C1orf87: variants seen among roughly 807,000 people sequenced by gnomAD.
C1orf87 encodes uncharacterized protein C1orf87.
Under a neutral mutation model 60.5 loss-of-function variants are expected in C1orf87, and 58 were observed. That is an observed-to-expected ratio of 0.96 (90% CI 0.78 to 1.19). The LOEUF (loss-of-function observed/expected upper bound fraction) is 1.19, where lower values mean the gene tolerates loss of function less well. C1orf87 is among the 50% of genes most tolerant of loss of function. The pLI, the probability that C1orf87 is intolerant of heterozygous loss-of-function variation, is 0.00. For missense variants in C1orf87, 673 were observed against 638.6 expected (o/e 1.05, Z -0.58); for synonymous variants, 236 against 227.4 (o/e 1.04, Z -0.34).
At position 60,064,631 on chromosome 1, in the gene C1orf87, A is replaced by T. The variant is rs1470338195; in HGVS notation, c.107+7906T>A. Among the ~76,000 whole-genome samples the T allele has an allele frequency of 2.0e-4, 21 of 106,530 alleles. No homozygotes were observed. The East Asian group carries it at 3.7e-3, about 19-fold the overall frequency. 69.9% of individuals were successfully genotyped at this position (106,530 alleles called of 152,430 possible). On this transcript the variant is annotated intron_variant, in intron 2 of 11. Coordinates refer to ENST00000371201, the MANE Select transcript of C1orf87 (RefSeq NM_152377.3). ...ATATATAAAATATATCATATATATA[A>T]ATATATATGATATATTTTATATATT...
intron 2 of C1orf87, among the ~76,000 whole-genome samples, chr1:60,061,776 CA>C (rs57844722): frequency 0.012 from 645 of 53,152 alleles, 3 homozygotes; most frequent in East Asian, 0.04. Flanking sequence ...CCATCTCTAC[CA>C]AAAAAAAAAA....
intron 8 of C1orf87, among the ~76,000 whole-genome samples, chr1:60,020,989 G>T (rs992286586): frequency 1.3e-5 from 2 of 151,996 alleles, no homozygotes; most frequent in Non-Finnish European, 2.9e-5. Context: ...TTCTTGTGAT[G>T]GTGAGTGAAT....
At chr1:60,061,566 G>A (rs987609097) in intron 2 of C1orf87, among the ~76,000 whole-genome samples, 8 of 151,908 alleles carry the variant, frequency 5.3e-5, no homozygotes, top group Middle Eastern at 6.8e-3. Flanking sequence ...CTGCTCTGCT[G>A]GAGATGTTTC....
intron 8 of C1orf87, 62 bp downstream of exon 8, chr1:60,025,339 C>G (rs774389690): frequency 7.0e-6 from 9 of 1,290,652 alleles, no homozygotes; most frequent in Non-Finnish European, 7.8e-6. Context: ...AAAGCTTCAC[C>G]ATATCATTTG....
At chr1:60,069,579 T>C (rs1013578255) in intron 2 of C1orf87, among the ~76,000 whole-genome samples, 1 of 152,200 alleles carries the variant, frequency 6.6e-6, no homozygotes, top group African/African-American at 2.4e-5. Flanking sequence ...ATACTAAATA[T>C]AAGTATTTTT....
chr1:60,070,802 G>A (rs1384600487), intron 2 of C1orf87, among the ~76,000 whole-genome samples: 1 of 151,936 alleles, frequency 6.6e-6, no homozygotes, highest in Non-Finnish European at 1.5e-5. Context: ...AACAAAATGG[G>A]GAAAGGCACC....
Position 59,990,620 on chromosome 1 carries a change from T to C in C1orf87, c.*53A>G. The C allele has an allele frequency of 6.3e-7, 1 of 1,590,652 alleles. No individual in the cohort carries two copies. On this transcript the variant is annotated 3_prime_UTR_variant, in exon 12 of 12. Transcript: ENST00000371201. ...CTTAGGCTGGGGAGAAACATGTGTCTGGGTAAAAAGGGAGATAAGGGAAAC... is the reference window on the plus strand; with the variant it reads ...CTTAGGCTGGGGAGAAACATGTGTCCGGGTAAAAAGGGAGATAAGGGAAAC...
intron 7 of C1orf87, among the ~76,000 whole-genome samples, chr1:60,032,645 T>C (rs1311455277): frequency 6.6e-6 from 1 of 151,966 alleles, no homozygotes; most frequent in East Asian, 1.9e-4. Context: ...TTCACTATAT[T>C]GGCCAGGCTG....
intron 2 of C1orf87, among the ~76,000 whole-genome samples, chr1:60,057,449 G>A (rs778866684): frequency 7.9e-5 from 12 of 152,146 alleles, no homozygotes; most frequent in Non-Finnish European, 1.6e-4. Flanking sequence ...TTTCAGATAA[G>A]ACTTTGTTAT....
intron 8 of C1orf87, among the ~76,000 whole-genome samples, chr1:60,014,208 G>A (rs1645109781): frequency 1.3e-5 from 2 of 152,124 alleles, no homozygotes; most frequent in African/African-American, 4.8e-5. Context: ...TGCTCGGGCT[G>A]CACAATAAAA....
At chr1:60,047,664 G>A (rs1323549132) in intron 3 of C1orf87, among the ~76,000 whole-genome samples, 1 of 151,668 alleles carries the variant, frequency 6.6e-6, no homozygotes, top group Non-Finnish European at 1.5e-5. Flanking sequence ...TAGGACCATA[G>A]GGGTTTTATG....
intron 2 of C1orf87, among the ~76,000 whole-genome samples, chr1:60,057,881 A>T (rs1645468333): frequency 1.3e-5 from 2 of 152,140 alleles, no homozygotes; most frequent in African/African-American, 4.8e-5. Flanking sequence ...AAGGTTAAAG[A>T]CCATTGATTT....
chr1:59,990,877 G>T, intron 11 of C1orf87, 44 bp from the exon 12 acceptor site: 1 of 1,583,936 alleles, frequency 6.3e-7, no homozygotes, highest in Non-Finnish European at 8.6e-7. Flanking sequence ...AAAGAGGATG[G>T]AGGGAAAACA....
intron 7 of C1orf87, among the ~76,000 whole-genome samples, chr1:60,030,029 T>C (rs534839507): frequency 2.0e-5 from 3 of 152,222 alleles, no homozygotes; most frequent in South Asian, 4.2e-4. Context: ...GGTGGGCACA[T>C]TGGTGTTCCT....
At chr1:59,996,348 A>C (rs546002519) in intron 11 of C1orf87, among the ~76,000 whole-genome samples, 2 of 152,038 alleles carry the variant, frequency 1.3e-5, no homozygotes, top group African/African-American at 4.8e-5. Flanking sequence ...GTGGTTCTAG[A>C]CTTCATTCTC....
At chr1:60,060,160 C>CA (rs1021228334) in intron 2 of C1orf87, among the ~76,000 whole-genome samples, 1 of 149,014 alleles carries the variant, frequency 6.7e-6, no homozygotes, top group Non-Finnish European at 1.5e-5. Flanking sequence ...TCGAAAAGAT[C>CA]AAAAAAATAT....
chr1:59,994,883 T>C (rs1644952413), intron 11 of C1orf87, among the ~76,000 whole-genome samples: 1 of 152,188 alleles, frequency 6.6e-6, no homozygotes, highest in Non-Finnish European at 1.5e-5. Context: ...AGAATGGGGC[T>C]ATGGTGGTCT....
At chr1:60,058,610 A>G (rs1341897262) in intron 2 of C1orf87, among the ~76,000 whole-genome samples, 3 of 152,200 alleles carry the variant, frequency 2.0e-5, no homozygotes, top group African/African-American at 7.2e-5. Flanking sequence ...TCTTAAATCA[A>G]CCGTATAGTC....
At chr1:60,056,017 G>A (rs572104023) in intron 2 of C1orf87, among the ~76,000 whole-genome samples, 30 of 152,118 alleles carry the variant, frequency 2.0e-4, no homozygotes, top group African/African-American at 6.5e-4. Context: ...AGGCTGAGGC[G>A]GGTGGATCAT....
Sources: gnomAD v4.1 joint callset for allele counts (sites outside exome capture counted in the v4.1 genomes callset) on GRCh38, gnomAD v4.1.1 for gene constraint, MANE v1.5 for transcripts, NCBI Gene and HGNC (gene_info 2026-07-23, HGNC 2026-07-21) for gene names.